The following EFEMP1 variants were observed in gnomAD, a reference collection of about 807,000 sequenced individuals.
The protein encoded by EFEMP1 is EGF-containing fibulin-like extracellular matrix protein 1.
A neutral mutation model predicts 65.7 loss-of-function variants in EFEMP1; 18 were observed. The observed-to-expected ratio is 0.27, with a 90% CI of 0.19 to 0.41. EFEMP1 has a LOEUF of 0.41. Among genes scored for constraint, EFEMP1 ranks in the 10% least tolerant of loss-of-function variants. EFEMP1 has a pLI of 1.00. For missense variants in EFEMP1, 469 were observed against 624.8 expected, an observed-to-expected ratio of 0.75 and a Z score of 2.66; for synonymous variants, 237 against 219.7, an observed-to-expected ratio of 1.08 and a Z score of -0.70.
At chr2:55,891,595 C>A (rs373159113) in intron 5 of EFEMP1, among the ~76,000 whole-genome samples, 45 of 152,144 alleles carry the variant, frequency 3.0e-4, no homozygotes, top group African/African-American at 1.1e-3. Context: ...ACTTTTATAC[C>A]TTTACAATCT....
At chr2:55,905,233 A>T (rs1670208352) in intron 5 of EFEMP1, among the ~76,000 whole-genome samples, 2 of 152,104 alleles carry the variant, frequency 1.3e-5, no homozygotes, top group African/African-American at 4.8e-5. Flanking sequence ...TATGGAGAAA[A>T]TGAAAAATAC....
chr2:55,877,805 G>A lies in EFEMP1; in HGVS notation c.701C>T (p.Ser234Leu). The change falls in exon 7 of 12, where the codon TCA becomes TTA. Residue 234 changes from serine (S) to leucine (L), a missense_variant. By Grantham distance (145) the Ser-to-Leu change is moderately radical. This residue lies in a region of EFEMP1 where 399 missense variants were observed against 528.2 expected (regional missense o/e 0.76). Coordinates refer to ENST00000355426, the MANE Select transcript of EFEMP1 (RefSeq NM_001039348.3). This position sits in a 1 kb window ranked among gnomAD's most constrained non-coding sequence, Gnocchi z 4.5. ...CCCAGGACTGCACTGGCAATAAAAT[G>A]AGCCTGGTGTATTCACGCATCTTTG... Reference protein sequence around the residue: ...CHQRCVNTPGSFYCQCSPGFQ... With the variant: ...CHQRCVNTPGLFYCQCSPGFQ... The A allele has an allele frequency of 6.2e-7, 1 of 1,613,314 alleles. No homozygotes were observed. The highest frequency in any genetic ancestry group is 8.5e-7 in the Non-Finnish European group (1 of 1,179,404).
At chr2:55,876,017 C>T (rs1669023186) in intron 8 of EFEMP1, among the ~76,000 whole-genome samples, 1 of 151,540 alleles carries the variant, frequency 6.6e-6, no homozygotes, top group African/African-American at 2.4e-5. Context: ...ATGTCTAATG[C>T]CTTTTGAATT....
chr2:55,867,275 C>A lies in EFEMP1; in HGVS notation c.1321-41G>T, dbSNP rs368377823. On this transcript the variant is annotated intron_variant, in intron 11 of 11. Transcript: ENST00000355426. This position sits in a 1 kb window ranked among gnomAD's most constrained non-coding sequence, Gnocchi z 4.3. ...ATAGAGAAAGGAAGAGAATAATTTTCTTGGATTGGAGTTTCTATGCTTTGT... is the reference window on the plus strand; with the variant it reads ...ATAGAGAAAGGAAGAGAATAATTTTATTGGATTGGAGTTTCTATGCTTTGT... The A allele has an allele frequency of 3.7e-6, 6 of 1,601,186 alleles. No homozygotes were observed. In the African/African-American group the frequency reaches 6.7e-5, roughly 18 times the overall value.
At chr2:55,874,806 G>A in intron 9 of EFEMP1, 140 bp downstream of exon 9, 1 of 838,060 alleles carries the variant, frequency 1.2e-6, no homozygotes, top group South Asian at 2.2e-5. Flanking sequence ...TATATTTTAT[G>A]ATGAACAGGG....
Position 55,882,209 on chromosome 2 carries a change from T to G in EFEMP1, c.518-475A>C, listed in dbSNP as rs1669267454. The stretch of plus-strand genomic sequence containing the variant: ...CCAATATATTGTATTTGAGATAATT[T>G]CCATTGACAAATTTCTAAAAATCTA... On this transcript the variant is annotated intron_variant, in intron 5 of 11. Coordinates refer to ENST00000355426, the MANE Select transcript of EFEMP1 (RefSeq NM_001039348.3). 3.9e-5 allele frequency among the ~76,000 whole-genome samples: 6 copies of G among 152,330 alleles called. No homozygotes were observed. In the South Asian group the frequency reaches 1.2e-3, roughly 32 times the overall value.
At position 55,917,343 on chromosome 2, in the gene EFEMP1, C is replaced by G. The variant is rs553748807; in HGVS notation, c.517+322G>C. ...AAAAAAGCCGATGCCTGGAACCCAC[C>G]TCAGAGACTGTGATTTAACTGGGCT... On this transcript the variant is annotated intron_variant, in intron 5 of 11. Transcript: ENST00000355426. The surrounding 1 kb of genome is among the most constrained non-coding windows in gnomAD (Gnocchi z 6.3). Among the ~76,000 whole-genome samples the G allele has an allele frequency of 2.6e-5, 4 of 152,268 alleles. No individual in the cohort carries two copies. In the South Asian group the frequency reaches 6.2e-4, roughly 24 times the overall value.
Position 55,870,848 on chromosome 2 carries a change from T to G in EFEMP1, c.1192A>C (p.Met398Leu). Reference sequence around the variant, plus strand: ...ACAGACCTATCAGATCGGATGCTCATGTATTTGTAGACTATTGACTGGGGC... The same window carrying G: ...ACAGACCTATCAGATCGGATGCTCAGGTATTTGTAGACTATTGACTGGGGC... ...ELPQSIVYKY[M>L]SIRSDRSVPS... Residue 398 changes from methionine to leucine, a missense_variant, in exon 11 of 12, where the codon ATG becomes CTG. By Grantham distance (15) the Met-to-Leu change is conservative (BLOSUM62 2). Transcript: ENST00000355426. The surrounding 1 kb of genome is among the most constrained non-coding windows in gnomAD (Gnocchi z 5.8). 1 of 1,613,848 alleles carries G rather than the reference T, an allele frequency of 6.2e-7. No individual in the cohort carries two copies. The highest frequency in any genetic ancestry group is 8.5e-7 in the Non-Finnish European group (1 of 1,179,866).
Position 55,923,051 on chromosome 2 carries a change from C to T in EFEMP1, c.-48-112G>A, listed in dbSNP as rs1670961001. 1.4e-6 allele frequency: 1 copy of T among 734,940 alleles called. No homozygotes were observed. Among genetic ancestry groups the T allele is most frequent in the Non-Finnish European group, 1.7e-6 (1 of 597,296 alleles). 45.5% of individuals were successfully genotyped at this position (734,940 alleles called of 1,614,324 possible). On this transcript the variant is annotated intron_variant, in intron 1 of 11. Transcript: ENST00000355426. This position sits in a 1 kb window ranked among gnomAD's most constrained non-coding sequence, Gnocchi z 5.3. Reference sequence around the variant, plus strand: ...GTTCTAGTAGAATACTAGACCTTCTCACATGTCTCAGAGCTTCTCACATCC... The same window carrying T: ...GTTCTAGTAGAATACTAGACCTTCTTACATGTCTCAGAGCTTCTCACATCC...
chr2:55,900,378 T>C (rs543687868), intron 5 of EFEMP1, among the ~76,000 whole-genome samples: 136 of 147,794 alleles, frequency 9.2e-4, no homozygotes, highest in Non-Finnish European at 1.2e-3. Context: ...ATGCTCCGGG[T>C]TGGCCTCTAC....
chr2:55,887,264 A>C (rs1669456160), intron 5 of EFEMP1, among the ~76,000 whole-genome samples: 1 of 152,198 alleles, frequency 6.6e-6, no homozygotes, highest in Non-Finnish European at 1.5e-5. Context: ...GTCCTGAGGA[A>C]GACTTATTTC....
chr2:55,895,544 CTT>C (rs11439731), intron 5 of EFEMP1, among the ~76,000 whole-genome samples: 10 of 138,498 alleles, frequency 7.2e-5, no homozygotes, highest in Admixed American at 2.2e-4. Context: ...CACAAATTAT[CTT>C]TTTTTTTTTT....
chr2:55,922,732 G>C lies in EFEMP1; in HGVS notation c.-8+167C>G, dbSNP rs1670949087. Reference sequence around the variant, plus strand: ...AGACATTCAGCGTGCATTTTATACTGCACCTACAAAGCAGGCTGCAGAAAG... The same window carrying C: ...AGACATTCAGCGTGCATTTTATACTCCACCTACAAAGCAGGCTGCAGAAAG... On this transcript the variant is annotated intron_variant, in intron 2 of 11. Coordinates refer to ENST00000355426, the MANE Select transcript of EFEMP1 (RefSeq NM_001039348.3). This position sits in a 1 kb window ranked among gnomAD's most constrained non-coding sequence, Gnocchi z 5.5. The C allele has an allele frequency of 2.2e-6, 1 of 463,106 alleles. No homozygotes were observed. Among genetic ancestry groups the C allele is most frequent in the Admixed American group, 3.7e-5 (1 of 27,244 alleles). 28.7% of individuals were successfully genotyped at this position (463,106 alleles called of 1,614,324 possible). A position where few individuals can be genotyped will look rare whatever the true frequency, so the allele number is the denominator to read the frequency against.
At chr2:55,908,821 A>G (rs1291634793) in intron 5 of EFEMP1, among the ~76,000 whole-genome samples, 1 of 152,206 alleles carries the variant, frequency 6.6e-6, no homozygotes, top group East Asian at 1.9e-4. Flanking sequence ...ATTATTCACC[A>G]TGAGATTTCT....
At position 55,867,216 on chromosome 2, in the gene EFEMP1, C is replaced by A. The variant is rs746366927; in HGVS notation, c.1339G>T (p.Ala447Ser). 5 of 1,613,744 alleles carry A rather than the reference C, an allele frequency of 3.1e-6. No individual in the cohort carries two copies. In the Middle Eastern group the frequency reaches 6.6e-4, roughly 213 times the overall value. The change falls in exon 12 of 12, where the codon GCA becomes TCA. Residue 447 changes from alanine (A) to serine (S), a missense_variant. Around this residue, in one of 3 missense-constraint regions of EFEMP1, gnomAD observed 399 missense variants for 528.2 expected, o/e 0.76. Coordinates refer to ENST00000355426, the MANE Select transcript of EFEMP1 (RefSeq NM_001039348.3). This position sits in a 1 kb window ranked among gnomAD's most constrained non-coding sequence, Gnocchi z 4.3. ...FYLRQTSPVS[A>S]MLVLVKSLSG... ...AATGACTTCACGAGCACAAGCATTGCACTTACAGGACTTGTTTGCTAAAAT... is the reference window on the plus strand; with the variant it reads ...AATGACTTCACGAGCACAAGCATTGAACTTACAGGACTTGTTTGCTAAAAT...
intron 5 of EFEMP1, among the ~76,000 whole-genome samples, chr2:55,898,160 T>C (rs868030611): frequency 2.6e-5 from 4 of 152,200 alleles, no homozygotes; most frequent in African/African-American, 4.8e-5. Context: ...CAGTAGACCA[T>C]TGAAGGGCCT....
chr2:55,904,968 TTTTTTTTTTTCTTTTTC>T (rs1558481172), intron 5 of EFEMP1, among the ~76,000 whole-genome samples: 3 of 77,200 alleles, frequency 3.9e-5, no homozygotes, highest in Middle Eastern at 9.8e-3. Flanking sequence ...GATAGTGGCT[TTTTTTTTTTTCTTTTTC>T]TTTTTTTTTT....
Position 55,917,882 on chromosome 2 carries a change from C to G in EFEMP1, c.300G>C (p.Gly100=). ...TTGCCATGCTGCTGGCAGCTACAAC[C>G]CCGGTGGTTGCCCCTGAGGTTCCTT... is the stretch of plus-strand genomic sequence containing the variant. The part of the protein sequence containing the change: ...PAEGTSGATT[G]VVAASSMATS... The change falls in exon 5 of 12, where the codon GGG becomes GGC. Residue 100 remains glycine (G), a synonymous_variant. Transcript: ENST00000355426. The surrounding 1 kb of genome is among the most constrained non-coding windows in gnomAD (Gnocchi z 6.3). 6.2e-7 allele frequency: 1 copy of G among 1,614,220 alleles called. No homozygotes were observed. Among genetic ancestry groups the G allele is most frequent in the African/African-American group, 1.3e-5 (1 of 75,054 alleles).
chr2:55,897,646 A>G (rs1054448583), intron 5 of EFEMP1, among the ~76,000 whole-genome samples: 4 of 152,160 alleles, frequency 2.6e-5, no homozygotes, highest in African/African-American at 9.7e-5. Flanking sequence ...AAACTAAACC[A>G]TCTATTCTTA....
Sources: allele counts gnomAD v4.1 joint callset (sites outside exome capture counted in the v4.1 genomes callset), GRCh38; gene constraint gnomAD v4.1.1; regional missense constraint gnomAD v4.1.1; non-coding constraint Gnocchi (gnomAD v3.1); transcripts MANE v1.5; gene names NCBI Gene and HGNC (gene_info 2026-07-23, HGNC 2026-07-21).